Variants in PTPRM observed in about 807,000 individuals in gnomAD.
The protein encoded by PTPRM is protein tyrosine phosphatase receptor type M, also known as receptor-type tyrosine-protein phosphatase mu.
A neutral mutation model predicts 186.7 loss-of-function variants in PTPRM; 47 were observed. That is an observed-to-expected ratio of 0.25 (90% CI 0.20 to 0.32). The LOEUF is 0.32. PTPRM is among the 10% of genes least tolerant of loss of function. PTPRM has a pLI of 1.00. For synonymous variants in PTPRM, 668 were observed against 674.9 expected (o/e 0.99, Z 0.16); for missense variants, 1,494 against 1,865.0 (o/e 0.80, Z 3.66).
At chr18:7,983,600 G>A (rs761780136) in intron 7 of PTPRM, among the ~76,000 whole-genome samples, 10 of 151,832 alleles carry the variant, frequency 6.6e-5, no homozygotes, top group Non-Finnish European at 1.0e-4. Flanking sequence ...TCTCTTGTGC[G>A]CTATTGCCTG....
At position 7,740,832 on chromosome 18, in the gene PTPRM, A is replaced by G. The variant is rs536621417; in HGVS notation, c.74-33317A>G. 3.9e-5 allele frequency among the ~76,000 whole-genome samples: 6 copies of G among 152,208 alleles called. No individual in the cohort carries two copies. In the South Asian group the frequency reaches 8.3e-4, roughly 21 times the overall value. ...ACATTGATTAGTGATATGGCTATAC[A>G]TGGTTAAGCTATACGGTATGGGTTA... On this transcript the variant is annotated intron_variant, in intron 1 of 32. Transcript: ENST00000580170.
intron 2 of PTPRM, among the ~76,000 whole-genome samples, chr18:7,851,083 G>T (rs2046836327): frequency 6.6e-6 from 1 of 152,168 alleles, no homozygotes. Context: ...AAAACCTAGT[G>T]AGTTGGTTTA....
At chr18:7,885,015 A>G (rs189281292) in intron 2 of PTPRM, among the ~76,000 whole-genome samples, 2 of 151,102 alleles carry the variant, frequency 1.3e-5, no homozygotes, top group East Asian at 1.9e-4. Flanking sequence ...TTCCAAATCT[A>G]TGCAGCTTTG....
intron 1 of PTPRM, among the ~76,000 whole-genome samples, chr18:7,673,361 A>G (rs2039262452): frequency 6.6e-6 from 1 of 152,250 alleles, no homozygotes; most frequent in African/African-American, 2.4e-5. Context: ...TAAAGGAATA[A>G]TGAAAACTGG....
chr18:8,027,453 T>C (rs1024983151), intron 7 of PTPRM, among the ~76,000 whole-genome samples: 2 of 152,236 alleles, frequency 1.3e-5, no homozygotes, highest in African/African-American at 4.8e-5. Flanking sequence ...CCTTCTAGAA[T>C]CTATTTTATA....
At chr18:8,052,518 T>C (rs1195693094) in intron 7 of PTPRM, among the ~76,000 whole-genome samples, 1 of 152,200 alleles carries the variant, frequency 6.6e-6, no homozygotes, top group Admixed American at 6.5e-5. Flanking sequence ...CCCTATAGCC[T>C]GGGTGTGGAG....
At chr18:8,179,744 A>G (rs539843333) in intron 14 of PTPRM, among the ~76,000 whole-genome samples, 23 of 152,338 alleles carry the variant, frequency 1.5e-4, no homozygotes, top group African/African-American at 5.5e-4. Flanking sequence ...CTGGGATTAC[A>G]GGCATGAGCC....
At chr18:8,365,342 C>T (rs556232337) in intron 23 of PTPRM, among the ~76,000 whole-genome samples, 1 of 152,314 alleles carries the variant, frequency 6.6e-6, no homozygotes, top group African/African-American at 2.4e-5. Flanking sequence ...GGATCGAGAC[C>T]AGCCTGGCCC....
Position 8,023,831 on chromosome 18 carries a change from GACACACAC to G in PTPRM, c.1133-45822_1133-45815del, listed in dbSNP as rs71354587. On this transcript the variant is annotated intron_variant, in intron 7 of 32. Transcript: ENST00000580170. Reference sequence around the variant, plus strand: ...CAATTTAAATGGTAAATTATCAGAAGACACACACACACACACACACACACACACACACA... The same window carrying G: ...CAATTTAAATGGTAAATTATCAGAAGACACACACACACACACACACACACA... Among the ~76,000 whole-genome samples the G allele has an allele frequency of 2.4e-3, 265 of 110,278 alleles. 1 individual carries two copies. Among genetic ancestry groups the G allele is most frequent in the African/African-American group, 7.6e-3 (248 of 32,476 alleles). The allele number at this position is 110,278 out of a possible 152,430, so 72.3% of individuals were successfully genotyped here.
chr18:7,669,996 G>A (rs555878300), intron 1 of PTPRM, among the ~76,000 whole-genome samples: 2 of 152,034 alleles, frequency 1.3e-5, no homozygotes, highest in Admixed American at 6.6e-5. Flanking sequence ...CGCCTGCCTC[G>A]GACTCCCAAA....
At chr18:8,235,941 C>T (rs1009499785) in intron 14 of PTPRM, among the ~76,000 whole-genome samples, 4 of 152,060 alleles carry the variant, frequency 2.6e-5, no homozygotes, top group East Asian at 1.9e-4. Flanking sequence ...CAGCAGACAC[C>T]GTATGATTTC....
At chr18:8,032,455 A>G (rs1768604374) in intron 7 of PTPRM, among the ~76,000 whole-genome samples, 2 of 152,190 alleles carry the variant, frequency 1.3e-5, no homozygotes, top group South Asian at 4.1e-4. Context: ...AATAAAGAGT[A>G]TACAATACCT....
chr18:7,678,612 A>G (rs1010610403), intron 1 of PTPRM, among the ~76,000 whole-genome samples: 1 of 152,170 alleles, frequency 6.6e-6, no homozygotes, highest in Non-Finnish European at 1.5e-5. Context: ...ATAAATTTAA[A>G]TATGTACATA....
At chr18:7,684,438 C>T (rs1456221637) in intron 1 of PTPRM, among the ~76,000 whole-genome samples, 2 of 152,114 alleles carry the variant, frequency 1.3e-5, no homozygotes, top group Non-Finnish European at 2.9e-5. Flanking sequence ...CAATATAGTA[C>T]AGCAGATCTC....
intron 14 of PTPRM, among the ~76,000 whole-genome samples, chr18:8,243,104 C>G (rs992782397): frequency 6.6e-6 from 1 of 152,170 alleles, no homozygotes; most frequent in African/African-American, 2.4e-5. Flanking sequence ...GTAGCAAGAT[C>G]TATAAAAATT....
At chr18:8,372,245 G>A (rs921726532) in intron 24 of PTPRM, among the ~76,000 whole-genome samples, 1 of 145,322 alleles carries the variant, frequency 6.9e-6, no homozygotes, top group Non-Finnish European at 1.5e-5. Context: ...CTAATTTTTT[G>A]TATTTTTTTT....
chr18:8,322,737 C>A (rs1747298548), intron 22 of PTPRM, among the ~76,000 whole-genome samples: 1 of 152,172 alleles, frequency 6.6e-6, no homozygotes, highest in Admixed American at 6.5e-5. Flanking sequence ...GATGAAGCCA[C>A]ACACATAAGA....
chr18:8,176,889 G>A (rs1348384219), intron 14 of PTPRM, among the ~76,000 whole-genome samples: 1 of 152,196 alleles, frequency 6.6e-6, no homozygotes, highest in Non-Finnish European at 1.5e-5. Context: ...TAGCTTGAAA[G>A]CCCTGTTGAC....
At chr18:8,041,303 T>C (rs900916109) in intron 7 of PTPRM, among the ~76,000 whole-genome samples, 1 of 152,068 alleles carries the variant, frequency 6.6e-6, no homozygotes, top group Admixed American at 6.5e-5. Flanking sequence ...GTGTGGATCA[T>C]GGATTGGATT....
Sources: gnomAD v4.1 joint callset for allele counts (sites outside exome capture counted in the v4.1 genomes callset) on GRCh38, gnomAD v4.1.1 for gene constraint, MANE v1.5 for transcripts, NCBI Gene and HGNC (gene_info 2026-07-23, HGNC 2026-07-21) for gene names.